MYCBP2: variants seen among roughly 807,000 people sequenced by gnomAD.
MYCBP2 encodes the protein MYC binding protein 2.
In MYCBP2, 120 loss-of-function variants were observed where a neutral mutation model predicts 525.3. That is an observed-to-expected ratio of 0.23 (90% CI 0.20 to 0.27). MYCBP2 has a LOEUF of 0.27. Ranked by LOEUF, MYCBP2 falls within the 10% of genes least tolerant of loss-of-function variation. The pLI is 1.00. For missense variants in MYCBP2, 4,149 were observed against 5,657.1 expected (o/e 0.73, Z 8.55); for synonymous variants, 1,894 against 1,955.8 (o/e 0.97, Z 0.83).
At chr13:77,169,395 C>CAAAAAAAAA (rs371575329) in intron 39 of MYCBP2, among the ~76,000 whole-genome samples, 1 of 33,814 alleles carries the variant, frequency 3.0e-5, no homozygotes, top group Non-Finnish European at 6.3e-5. Flanking sequence ...GACTCCGTCT[C>CAAAAAAAAA]AAAAAAAAAA....
Position 77,326,345 on chromosome 13 carries a change from G to C in MYCBP2, c.302+129C>G. On this transcript the variant is annotated intron_variant, in intron 1 of 82. Coordinates refer to ENST00000544440, the MANE Select transcript of MYCBP2 (RefSeq NM_015057.5). This position sits in a 1 kb window ranked among gnomAD's most constrained non-coding sequence, Gnocchi z 4.2. The stretch of plus-strand genomic sequence containing the variant: ...AAGTGCTCCTGCCAACAGACATCCA[G>C]AGCGGACTGAAAGCTCAATAAATGC... The C allele has an allele frequency of 1.1e-6, 1 of 912,738 alleles. No individual in the cohort carries two copies. The highest frequency in any genetic ancestry group is 1.6e-6 in the Non-Finnish European group (1 of 639,612). The allele number at this position is 912,738 out of a possible 1,614,324, so 56.5% of individuals were successfully genotyped here. A position where few individuals can be genotyped will look rare whatever the true frequency, so the allele number is the denominator to read the frequency against.
intron 70 of MYCBP2, 134 bp downstream of exon 70, chr13:77,068,431 C>T (rs1002022704): frequency 6.0e-5 from 60 of 994,060 alleles, no homozygotes; most frequent in Admixed American, 1.9e-4. Flanking sequence ...AAAATACAGG[C>T]CCCAAACAAA....
Position 77,326,444 on chromosome 13 carries a change from G to C in MYCBP2, c.302+30C>G. 10 of 1,519,032 alleles carry C rather than the reference G, an allele frequency of 6.6e-6. No homozygotes were observed. The highest frequency in any genetic ancestry group is 8.8e-6 in the Non-Finnish European group (10 of 1,139,070). The allele number at this position is 1,519,032 out of a possible 1,614,324, so 94.1% of individuals were successfully genotyped here. ...TGGGGCGCAAGGAAGGGCGGCATGG[G>C]GCGCAAGGAAGGGCACCCTGGGGAC... On this transcript the variant is annotated intron_variant, in intron 1 of 82. Coordinates refer to ENST00000544440, the MANE Select transcript of MYCBP2 (RefSeq NM_015057.5). The surrounding 1 kb of genome is among the most constrained non-coding windows in gnomAD (Gnocchi z 4.2).
intron 52 of MYCBP2, chr13:77,129,396 C>T (rs752109192): frequency 1.1e-5 from 4 of 374,128 alleles, no homozygotes; most frequent in Admixed American, 4.5e-5. Context: ...AACAACACAC[C>T]GAAGAAATTC....
chr13:77,089,976 A>G, intron 60 of MYCBP2, 130 bp downstream of exon 60: 1 of 748,704 alleles, frequency 1.3e-6, no homozygotes, highest in Non-Finnish European at 2.0e-6. Context: ...AGGAATGTCA[A>G]TCACACATTA....
At chr13:77,102,101 G>C (rs756721964) in intron 55 of MYCBP2, among the ~76,000 whole-genome samples, 1 of 151,648 alleles carries the variant, frequency 6.6e-6, no homozygotes, top group Non-Finnish European at 1.5e-5. Context: ...CATGTTAAAT[G>C]GTAAGCATTC....
intron 1 of MYCBP2, among the ~76,000 whole-genome samples, chr13:77,313,949 CGA>C (rs936239409): frequency 2.0e-5 from 3 of 149,602 alleles, no homozygotes; most frequent in African/African-American, 7.4e-5. Flanking sequence ...AAAAAAAAAA[CGA>C]GATTCTACTA....
At chr13:77,294,117 T>TATATATATATACATATATATATAA (rs1555465684) in intron 2 of MYCBP2, among the ~76,000 whole-genome samples, 4 of 56,668 alleles carry the variant, frequency 7.1e-5, no homozygotes, top group Non-Finnish European at 8.4e-5. Flanking sequence ...TATATATATA[T>TATATATATATACATATATATATAA]ATATATATAT....
chr13:77,099,857 T>A (rs774043135), intron 55 of MYCBP2: 1 of 152,124 alleles, frequency 6.6e-6, no homozygotes, highest in Non-Finnish European at 1.5e-5. Flanking sequence ...TGCATGGACA[T>A]TAATTGTTTT....
intron 20 of MYCBP2, among the ~76,000 whole-genome samples, chr13:77,219,248 C>A (rs1341030918): frequency 6.6e-6 from 1 of 151,970 alleles, no homozygotes; most frequent in Non-Finnish European, 1.5e-5. Flanking sequence ...AGGTTTCAAG[C>A]GTGGAAAATA....
chr13:77,197,767 A>C (rs1011763622), intron 26 of MYCBP2, among the ~76,000 whole-genome samples: 1 of 152,172 alleles, frequency 6.6e-6, no homozygotes, highest in African/African-American at 2.4e-5. Flanking sequence ...TAACAAATGC[A>C]TACATTACAG....
intron 2 of MYCBP2, among the ~76,000 whole-genome samples, chr13:77,296,346 G>A (rs1489898165): frequency 6.6e-6 from 1 of 151,488 alleles, no homozygotes; most frequent in African/African-American, 2.4e-5. Context: ...CTTGAGCCCA[G>A]GAAACTACTG....
At chr13:77,056,099 GGTGTGTGTGTGTGTGTGTGTGTGT>G (rs56952443) in intron 79 of MYCBP2, among the ~76,000 whole-genome samples, 125 of 120,592 alleles carry the variant, frequency 1.0e-3, no homozygotes, top group South Asian at 2.2e-3. Context: ...CTCTGTGTTT[GGTGTGTGTGTGTGTGTGTGTGTGT>G]GTGTGTGTGT....
In MYCBP2 at chr13:77,098,988, A is replaced by T; in HGVS notation, c.8166T>A (p.Ser2722=). 6.2e-7 allele frequency: 1 copy of T among 1,608,376 alleles called. No individual in the cohort carries two copies. The highest frequency in any genetic ancestry group is 1.1e-5 in the South Asian group (1 of 91,012). ...SKGDRGNIST[S]SKPASTSGKS... ...TTCCTGATGTAGAGGCTGGTTTAGA[A>T]GATGTTGAGATGTTTCCTCGATCAC... The change falls in exon 56 of 83, where the codon TCT becomes TCA. Residue 2722 remains serine (S), a synonymous_variant. Transcript: ENST00000544440.
At chr13:77,301,716 A>G (rs750450793) in intron 1 of MYCBP2, among the ~76,000 whole-genome samples, 1 of 152,218 alleles carries the variant, frequency 6.6e-6, no homozygotes, top group South Asian at 2.1e-4. Context: ...TGTGGCAGAC[A>G]CATAATCAAG....
intron 18 of MYCBP2, among the ~76,000 whole-genome samples, chr13:77,227,190 T>G (rs1388792485): frequency 6.6e-6 from 1 of 151,998 alleles, no homozygotes; most frequent in Non-Finnish European, 1.5e-5. Flanking sequence ...TATTTTGAAT[T>G]TTTTACTCAA....
chr13:77,092,848 AGATT>A (rs2045662404), intron 59 of MYCBP2, among the ~76,000 whole-genome samples: 1 of 152,164 alleles, frequency 6.6e-6, no homozygotes, highest in Admixed American at 6.5e-5. Context: ...AAGAAGTTTA[AGATT>A]TATTTTCAAT....
At chr13:77,187,805 G>A (rs1021499017) in intron 30 of MYCBP2, among the ~76,000 whole-genome samples, 5 of 151,976 alleles carry the variant, frequency 3.3e-5, no homozygotes, top group African/African-American at 1.2e-4. Context: ...CCAGCACTTT[G>A]GGAGGCCGAG....
intron 32 of MYCBP2, among the ~76,000 whole-genome samples, chr13:77,184,796 C>T (rs1303270552): frequency 6.6e-6 from 1 of 152,188 alleles, no homozygotes; most frequent in African/African-American, 2.4e-5. Context: ...GCGGGGGCCT[C>T]CTGGTGCTAT....
Sources: allele counts gnomAD v4.1 joint callset (sites outside exome capture counted in the v4.1 genomes callset), GRCh38; gene constraint gnomAD v4.1.1; non-coding constraint Gnocchi (gnomAD v3.1); transcripts MANE v1.5; gene names NCBI Gene and HGNC (gene_info 2026-07-23, HGNC 2026-07-21).